TG: variants seen among roughly 807,000 people sequenced by gnomAD.
TG encodes the protein thyroglobulin, also known as thyroid hormones.
A neutral mutation model predicts 324.7 loss-of-function variants in TG; 270 were observed. That is an observed-to-expected ratio of 0.83 (90% confidence interval 0.75 to 0.92). The LOEUF is 0.92. TG is among the 40% of genes least tolerant of loss of function. TG has a pLI of 0.00. For missense variants in TG, 3,591 were observed against 3,456.4 expected, an observed-to-expected ratio of 1.04 and a Z score of -0.98; for synonymous variants, 1,401 against 1,327.0, an observed-to-expected ratio of 1.06 and a Z score of -1.21.
At chr8:133,019,566 A>G (rs1192172712) in intron 38 of TG, 36 bp from the exon 39 acceptor site, 2 of 1,588,970 alleles carry the variant, frequency 1.3e-6, no homozygotes, top group Admixed American at 1.7e-5. Flanking sequence ...GTGGTGATGG[A>G]GCATGTCTTG....
At chr8:132,941,565 G>A in intron 26 of TG, 23 bp downstream of exon 26, 1 of 1,614,064 alleles carries the variant, frequency 6.2e-7, no homozygotes, top group Non-Finnish European at 8.5e-7. Flanking sequence ...GTGAGGGCCA[G>A]GGCCTAACAA....
chr8:133,030,069 G>T, intron 41 of TG, 46 bp downstream of exon 41: 3 of 1,610,900 alleles, frequency 1.9e-6, no homozygotes, highest in Non-Finnish European at 2.5e-6. Context: ...AGATGCGGCT[G>T]GGGGAGGTGG....
intron 29 of TG, among the ~76,000 whole-genome samples, chr8:132,965,823 G>A (rs917750133): frequency 6.6e-6 from 1 of 152,186 alleles, no homozygotes; most frequent in Non-Finnish European, 1.5e-5. Flanking sequence ...GAGTTAGCAG[G>A]GCTGTTGTGT....
At chr8:132,874,815 TGA>T (rs1184988515) in intron 5 of TG, among the ~76,000 whole-genome samples, 1 of 152,154 alleles carries the variant, frequency 6.6e-6, no homozygotes, top group Non-Finnish European at 1.5e-5. Context: ...AGAACAAGGG[TGA>T]GAGGCTGCAC....
chr8:132,930,449 C>A (rs958514126), intron 23 of TG, among the ~76,000 whole-genome samples: 4 of 152,016 alleles, frequency 2.6e-5, no homozygotes, highest in African/African-American at 9.7e-5. Context: ...GGAGACTGAG[C>A]GGGGGTGGAT....
intron 2 of TG, 28 bp from the exon 3 acceptor site, chr8:132,869,701 G>A (rs759254154): frequency 1.2e-6 from 2 of 1,607,440 alleles, no homozygotes; most frequent in Non-Finnish European, 1.7e-6. Context: ...CCCATCCCAG[G>A]GTCACCTGGT....
chr8:133,046,105 C>T (rs1239502090), intron 41 of TG, among the ~76,000 whole-genome samples: 3 of 152,122 alleles, frequency 2.0e-5, no homozygotes, highest in Non-Finnish European at 4.4e-5. Context: ...CCATGTGCCT[C>T]GATTTCCTCA....
intron 37 of TG, among the ~76,000 whole-genome samples, chr8:133,014,694 T>C (rs905597125): frequency 2.0e-5 from 3 of 152,246 alleles, no homozygotes; most frequent in African/African-American, 4.8e-5. Flanking sequence ...CCTAGAGCAT[T>C]GACAGTCCTT....
Position 132,948,785 on chromosome 8 carries a change from T to G in TG, c.5243T>G (p.Ile1748Ser). ...VLTQVQGGAIICGLLSSPSVL... is the reference protein window; with the variant it reads ...VLTQVQGGAISCGLLSSPSVL... Reference sequence around the variant, plus strand: ...CTCTTGTGATTCTCAGGTGCCATCATCTGTGGGTTGCTGAGCTCACCCAGT... The same window carrying G: ...CTCTTGTGATTCTCAGGTGCCATCAGCTGTGGGTTGCTGAGCTCACCCAGT... The change falls in exon 27 of 48, where the codon ATC becomes AGC. Residue 1748 changes from isoleucine (I) to serine (S), a missense_variant. By Grantham distance (142) the Ile-to-Ser change is moderately radical (BLOSUM62 -2). Coordinates refer to ENST00000220616, the MANE Select transcript of TG (RefSeq NM_003235.5). 1 of 1,613,800 alleles carries G rather than the reference T, an allele frequency of 6.2e-7. No individual in the cohort carries two copies. The highest frequency in any genetic ancestry group is 8.5e-7 in the Non-Finnish European group (1 of 1,180,016).
intron 35 of TG, among the ~76,000 whole-genome samples, chr8:133,005,057 G>A (rs1833903409): frequency 6.6e-6 from 1 of 152,202 alleles, no homozygotes; most frequent in Admixed American, 6.5e-5. Flanking sequence ...AAAGAACATG[G>A]TGTACGAGTG....
At chr8:133,057,789 A>AC (rs1169484390) in intron 41 of TG, among the ~76,000 whole-genome samples, 23 of 150,834 alleles carry the variant, frequency 1.5e-4, no homozygotes, top group African/African-American at 5.1e-4. Flanking sequence ...AAAAAAAAAC[A>AC]AAAAAACAGA....
intron 41 of TG, chr8:133,038,563 C>T: frequency 6.2e-7 from 1 of 1,614,078 alleles, no homozygotes; most frequent in Middle Eastern, 1.6e-4. Context: ...AGAATGAGCT[C>T]TTTCTCTTGC....
chr8:133,010,523 A>G (rs1019803715), intron 35 of TG, among the ~76,000 whole-genome samples: 1 of 152,230 alleles, frequency 6.6e-6, no homozygotes, highest in Non-Finnish European at 1.5e-5. Context: ...GATTTTCTTT[A>G]TTAATGATCA....
intron 41 of TG, chr8:133,040,298 G>A (rs1837975412): frequency 1.4e-5 from 10 of 695,060 alleles, no homozygotes; most frequent in East Asian, 2.7e-5. Context: ...AAAGTCACGC[G>A]CCCAGCTGTT....
intron 35 of TG, among the ~76,000 whole-genome samples, chr8:132,985,849 C>G (rs1430571600): frequency 1.3e-5 from 2 of 152,124 alleles, no homozygotes; most frequent in African/African-American, 4.8e-5. Context: ...TGAAGTCCCT[C>G]ATCTGCTGTC....
At chr8:132,870,314 A>T (rs1052886285) in intron 3 of TG, among the ~76,000 whole-genome samples, 2 of 150,446 alleles carry the variant, frequency 1.3e-5, no homozygotes, top group Non-Finnish European at 3.0e-5. Flanking sequence ...TTGAGCCTAA[A>T]ACCAAAACTA....
At chr8:133,001,196 C>G (rs942979223) in intron 35 of TG, among the ~76,000 whole-genome samples, 1 of 150,904 alleles carries the variant, frequency 6.6e-6, no homozygotes, top group African/African-American at 2.5e-5. Flanking sequence ...TGAGGACCTA[C>G]GGGTTAGGAC....
At chr8:132,976,551 G>C (rs1465575570) in intron 34 of TG, among the ~76,000 whole-genome samples, 3 of 152,202 alleles carry the variant, frequency 2.0e-5, no homozygotes, top group African/African-American at 7.2e-5. Flanking sequence ...CCCAGCTCCT[G>C]CAATCTCCTC....
At chr8:133,070,293 C>T (rs148645854) in intron 41 of TG, among the ~76,000 whole-genome samples, 3 of 152,222 alleles carry the variant, frequency 2.0e-5, no homozygotes, top group East Asian at 3.9e-4. Flanking sequence ...ATCCAGACAC[C>T]ACTGGAGCGA....
Sources: gnomAD v4.1 joint callset for allele counts (sites outside exome capture counted in the v4.1 genomes callset) on GRCh38, gnomAD v4.1.1 for gene constraint, MANE v1.5 for transcripts, NCBI Gene and HGNC (gene_info 2026-07-23, HGNC 2026-07-21) for gene names.